Variants in CNKSR2 observed in about 807,000 individuals in gnomAD.
CNKSR2 encodes CNK homolog protein 2.
Under a neutral mutation model 84.4 loss-of-function variants are expected in CNKSR2, and 14 were observed. That is an observed-to-expected ratio of 0.17 (90% CI 0.11 to 0.26). The LOEUF (loss-of-function observed/expected upper bound fraction) is 0.26. Ranked by LOEUF, CNKSR2 falls within the 10% of genes least tolerant of loss-of-function variation. The probability of loss-of-function intolerance (pLI) is 1.00; values close to 1 mark genes in which losing one functional copy is unlikely to be tolerated. For missense variants in CNKSR2, 485 were observed against 771.2 expected (o/e 0.63, Z 4.40); for synonymous variants, 275 against 277.9 (o/e 0.99, Z 0.10).
intron 1 of CNKSR2, among the ~76,000 whole-genome samples, chrX:21,383,238 T>G (rs1276279249): frequency 2.7e-5 from 3 of 112,910 alleles, no homozygotes; most frequent in African/African-American, 9.6e-5. Context: ...TGTATTTAAT[T>G]TATTGTTTGA....
At chrX:21,501,987 A>G (rs772166137) in intron 8 of CNKSR2, among the ~76,000 whole-genome samples, 1 of 109,107 alleles carries the variant, frequency 9.2e-6, no homozygotes, top group South Asian at 4.1e-4. Context: ...AACAGCATAC[A>G]TCCATTTATC....
At chrX:21,505,504 G>A (rs2091603923) in intron 8 of CNKSR2, 1 of 111,400 alleles carries the variant, frequency 9.0e-6, no homozygotes, top group Admixed American at 9.5e-5. Context: ...CCTCCAAAAT[G>A]ATAAACATTG....
chrX:21,527,387 T>C, intron 10 of CNKSR2, among the ~76,000 whole-genome samples: 1 of 110,457 alleles, frequency 9.1e-6, no homozygotes, highest in Non-Finnish European at 1.9e-5. Flanking sequence ...GAGAAAGCTA[T>C]AGATAACTTT....
chrX:21,567,797 TGTGTGTGTGTG>T (rs2092252463), intron 13 of CNKSR2, among the ~76,000 whole-genome samples: 4 of 4,024 alleles, frequency 9.9e-4, no homozygotes, highest in South Asian at 0.016. Context: ...TTTTGTGTGG[TGTGTGTGTGTG>T]TGTGTGTGTG....
intron 5 of CNKSR2, among the ~76,000 whole-genome samples, chrX:21,480,086 A>G (rs1240939846): frequency 9.0e-6 from 1 of 111,221 alleles, no homozygotes; most frequent in East Asian, 2.8e-4. Flanking sequence ...CCCTCTATTG[A>G]CAAAAACTTA....
chrX:21,623,193 A>C (rs1221695257), intron 20 of CNKSR2, among the ~76,000 whole-genome samples: 5 of 111,610 alleles, frequency 4.5e-5, no homozygotes, highest in Non-Finnish European at 9.4e-5. Flanking sequence ...TCATTTCTAT[A>C]CTATGCCCCA....
chrX:21,531,762 T>G, intron 10 of CNKSR2, 94 bp from the exon 11 acceptor site: 6 of 516,187 alleles, frequency 1.2e-5, no homozygotes, highest in Non-Finnish European at 2.0e-5. Context: ...GGAGATATAT[T>G]GTATGGGAGT....
chrX:21,402,804 G>A (rs1294630054), intron 1 of CNKSR2, among the ~76,000 whole-genome samples: 1 of 110,105 alleles, frequency 9.1e-6, no homozygotes, highest in Non-Finnish European at 1.9e-5. Context: ...AAACTATAAG[G>A]GAAGATTAAC....
chrX:21,456,017 C>T lies in CNKSR2; in HGVS notation c.520-14749C>T, dbSNP rs7058217. The stretch of plus-strand genomic sequence containing the variant: ...TGGTAGTCTTTCCTTCCTTAACACC[C>T]TCTACTCATGTCTTTCTTTACAGCT... On this transcript the variant is annotated intron_variant, in intron 4 of 21. Coordinates refer to ENST00000379510, the MANE Select transcript of CNKSR2 (RefSeq NM_014927.5). Among the ~76,000 whole-genome samples, 535 of 111,329 alleles carry T rather than the reference C, an allele frequency of 4.8e-3. 2 individuals are homozygous for T. The highest frequency in any genetic ancestry group is 0.017 in the African/African-American group (515 of 30,646).
rs1370650081 is a variant in CNKSR2 at position 21,588,135 on chromosome X, A to ATTGCCAATTGAATTG, written c.1609-2437_1609-2436insTTGCCAATTGAATTG. ...CCCAAGGATATTGAATTGGGCATGT[A>ATTGCCAATTGAATTG]GACATCCTCTGCCTAGCAACTACCA... On this transcript the variant is annotated intron_variant, in intron 13 of 21. Coordinates refer to ENST00000379510, the MANE Select transcript of CNKSR2 (RefSeq NM_014927.5). Among the ~76,000 whole-genome samples the ATTGCCAATTGAATTG allele has an allele frequency of 6.2e-5, 7 of 112,371 alleles. No individual in the cohort carries two copies. The Middle Eastern group carries it at 0.014, about 220-fold the overall frequency.
intron 4 of CNKSR2, among the ~76,000 whole-genome samples, chrX:21,465,974 A>C (rs1305422789): frequency 8.9e-6 from 1 of 111,896 alleles, no homozygotes; most frequent in African/African-American, 3.2e-5. Flanking sequence ...GTTTCTGTGC[A>C]TACTTAGTGA....
At chrX:21,411,807 G>T (rs1385413918) in intron 1 of CNKSR2, among the ~76,000 whole-genome samples, 2 of 111,135 alleles carry the variant, frequency 1.8e-5, no homozygotes, top group Admixed American at 9.6e-5. Context: ...GGTTGTTTGT[G>T]TGATTACTTA....
At chrX:21,612,602 T>C (rs1384101955) in intron 20 of CNKSR2, among the ~76,000 whole-genome samples, 2 of 112,291 alleles carry the variant, frequency 1.8e-5, no homozygotes, top group African/African-American at 3.2e-5. Context: ...GAAAATATAG[T>C]CTGTCATATG....
At chrX:21,428,877 T>C in intron 2 of CNKSR2, 1 of 111,624 alleles carries the variant, frequency 9.0e-6, no homozygotes, top group East Asian at 2.8e-4. Context: ...AAAAAATTCA[T>C]TAAAGCAAGC....
chrX:21,453,614 G>A (rs760261079), intron 4 of CNKSR2, among the ~76,000 whole-genome samples: 18 of 111,719 alleles, frequency 1.6e-4, no homozygotes, highest in African/African-American at 5.9e-4. Context: ...TCAGCCATAG[G>A]ACCTTTTAAG....
intron 13 of CNKSR2, among the ~76,000 whole-genome samples, chrX:21,590,050 G>T (rs1005534785): frequency 6.3e-5 from 7 of 111,227 alleles, no homozygotes; most frequent in Non-Finnish European, 1.3e-4. Flanking sequence ...TCTACATGAA[G>T]ATTAGTCACC....
chrX:21,635,163 G>T (rs921969441), intron 20 of CNKSR2, among the ~76,000 whole-genome samples: 1 of 108,832 alleles, frequency 9.2e-6, no homozygotes, highest in East Asian at 2.9e-4. Flanking sequence ...GAAAAGAATT[G>T]ATTCTTATGC....
Position 21,440,820 on chromosome X carries a change from C to T in CNKSR2, c.519+39C>T, listed in dbSNP as rs879246141. 3.5e-6 allele frequency: 3 copies of T among 860,683 alleles called. No homozygotes were observed. In the Admixed American group the frequency reaches 7.3e-5, roughly 21 times the overall value. The allele number at this position is 860,683 out of a possible 1,213,427, so 70.9% of individuals were successfully genotyped here. ...AACTTTCCTTCTGTTAATTTATTAG[C>T]AACTTCATATTCCAACAATGGGAAG... is the stretch of plus-strand genomic sequence containing the variant. On this transcript the variant is annotated intron_variant, in intron 4 of 21. Coordinates refer to ENST00000379510, the MANE Select transcript of CNKSR2 (RefSeq NM_014927.5).
intron 1 of CNKSR2, among the ~76,000 whole-genome samples, chrX:21,406,435 G>T (rs758809410): frequency 9.0e-6 from 1 of 111,615 alleles, no homozygotes; most frequent in East Asian, 2.8e-4. Context: ...TAATAAAAAT[G>T]TAGTTTTAGC....
Sources: allele counts gnomAD v4.1 joint callset (sites outside exome capture counted in the v4.1 genomes callset), GRCh38; gene constraint gnomAD v4.1.1; transcripts MANE v1.5; gene names NCBI Gene and HGNC (gene_info 2026-07-23, HGNC 2026-07-21).